The following MRNIP variants were observed in gnomAD, a reference collection of about 807,000 sequenced individuals.
The protein encoded by MRNIP is MRN complex-interacting protein.
In MRNIP, 30 loss-of-function variants were observed where a neutral mutation model predicts 29.8. The ratio of observed to expected loss-of-function variants is 1.01; its 90% CI spans 0.75 to 1.36. The LOEUF (loss-of-function observed/expected upper bound fraction) is 1.36, where lower values mean the gene tolerates loss of function less well. MRNIP is among the 40% of genes most tolerant of loss of function. The pLI, the probability that MRNIP is intolerant of heterozygous loss-of-function variation, is 0.00. For synonymous variants in MRNIP, 201 were observed against 164.1 expected, an observed-to-expected ratio of 1.23 and a Z score of -1.72; for missense variants, 459 against 423.5, an observed-to-expected ratio of 1.08 and a Z score of -0.74.
Position 179,840,933 on chromosome 5 carries a change from G to A in MRNIP, c.476C>T (p.Pro159Leu), listed in dbSNP as rs746337493. ...GTCCTGCACGCCACGGCTGCACGGAGGCTGGACGGTGCTCCTGCTCCACTT... is the reference window on the plus strand; with the variant it reads ...GTCCTGCACGCCACGGCTGCACGGAAGCTGGACGGTGCTCCTGCTCCACTT... ...KRKWSRSTVQ[P>L]PCSRGVQDSG... The change falls in exon 6 of 7, where the codon CCT (proline) becomes CTT (leucine). Residue 159 changes from proline to leucine, a missense_variant. Coordinates refer to ENST00000292586, the MANE Select transcript of MRNIP (RefSeq NM_016175.4). The A allele has an allele frequency of 3.7e-6, 6 of 1,610,276 alleles. No homozygotes were observed. The highest frequency in any genetic ancestry group is 1.1e-5 in the South Asian group (1 of 90,310).
rs566205250 is a variant in MRNIP, at chr5:179,840,622, G to C, written c.537+250C>G. ...CAGGTTGACCTGCTGGCCAACCTCA[G>C]TTTCTCCAAGGGTCACAATGCTCTT... On this transcript the variant is annotated intron_variant, in intron 6 of 6. Coordinates refer to ENST00000292586, the MANE Select transcript of MRNIP (RefSeq NM_016175.4). The C allele has an allele frequency of 2.6e-5, 15 of 569,544 alleles. No individual in the cohort carries two copies. In the South Asian group the frequency reaches 3.1e-4, roughly 12 times the overall value. The allele number at this position is 569,544 out of a possible 1,614,324, so 35.3% of individuals were successfully genotyped here.
intron 3 of MRNIP, among the ~76,000 whole-genome samples, chr5:179,845,387 G>C: frequency 6.6e-6 from 1 of 151,790 alleles, no homozygotes; most frequent in South Asian, 2.1e-4. Flanking sequence ...GACCTCAAGT[G>C]ATCTGCCTGC....
intron 2 of MRNIP, 41 bp from the exon 3 acceptor site, chr5:179,848,107 C>T (rs766579869): frequency 1.4e-6 from 2 of 1,476,410 alleles, no homozygotes; most frequent in Non-Finnish European, 1.9e-6. Context: ...AAAGTGCTGG[C>T]AGAATGCTGA....
At chr5:179,851,061 A>G (rs1206433913) in intron 2 of MRNIP, 4 of 371,030 alleles carry the variant, frequency 1.1e-5, no homozygotes, top group Non-Finnish European at 2.2e-5. Flanking sequence ...AGCAAGAGAA[A>G]CGTCTATTGT....
intron 2 of MRNIP, 89 bp from the exon 3 acceptor site, chr5:179,848,155 A>AC: frequency 2.0e-6 from 2 of 993,210 alleles, no homozygotes; most frequent in Non-Finnish European, 3.2e-6. Flanking sequence ...AGGGAGGACA[A>AC]AGCTGTATTC....
At chr5:179,853,633 A>G (rs978237896) in intron 1 of MRNIP, among the ~76,000 whole-genome samples, 196 bp from the exon 2 acceptor site, 4 of 151,932 alleles carry the variant, frequency 2.6e-5, no homozygotes, top group African/African-American at 9.7e-5. Flanking sequence ...TTAGCCAGGC[A>G]TGGTGGCGGG....
chr5:179,843,210 C>T (rs1758989741), intron 4 of MRNIP, among the ~76,000 whole-genome samples: 2 of 151,706 alleles, frequency 1.3e-5, no homozygotes, highest in Admixed American at 6.6e-5. Context: ...CAGTGAGCAG[C>T]GATCATGCCT....
intron 1 of MRNIP, among the ~76,000 whole-genome samples, chr5:179,854,588 G>C (rs1245141023): frequency 6.6e-6 from 1 of 151,796 alleles, no homozygotes; most frequent in African/African-American, 2.4e-5. Context: ...GCCAGCCCGG[G>C]TAGCATGGCA....
chr5:179,855,907 GTTTTTTTT>G (rs1205010985), intron 1 of MRNIP, among the ~76,000 whole-genome samples: 2 of 111,044 alleles, frequency 1.8e-5, no homozygotes, highest in Non-Finnish European at 3.7e-5. Context: ...AAGAAAAGTT[GTTTTTTTT>G]TTTTTTTTTT....
At chr5:179,851,774 T>G (rs569432706) in intron 2 of MRNIP, among the ~76,000 whole-genome samples, 7 of 151,998 alleles carry the variant, frequency 4.6e-5, no homozygotes, top group South Asian at 4.2e-4. Context: ...GTCAGGAGAT[T>G]GACACCATCC....
At chr5:179,844,319 G>C in intron 3 of MRNIP, 92 bp from the exon 4 acceptor site, 3 of 1,001,424 alleles carry the variant, frequency 3.0e-6, no homozygotes, top group Non-Finnish European at 3.1e-6. Flanking sequence ...TTGGGAGGCT[G>C]AGGCAGGTGG....
At chr5:179,841,593 A>C in intron 5 of MRNIP, 1 of 304,606 alleles carries the variant, frequency 3.3e-6, no homozygotes. Context: ...CTGAGCTAAA[A>C]GCTCTTAGGC....
At chr5:179,838,189 A>C in intron 6 of MRNIP, 2 of 441,002 alleles carry the variant, frequency 4.5e-6, no homozygotes, top group East Asian at 4.0e-5. Context: ...CTACAAAAGA[A>C]TTTTGAGCAG....
chr5:179,857,856 C>T (rs1178371267), intron 1 of MRNIP, among the ~76,000 whole-genome samples: 2 of 151,896 alleles, frequency 1.3e-5, no homozygotes, highest in Non-Finnish European at 2.9e-5. Flanking sequence ...CTATTAAAAA[C>T]ACAAAATTAG....
chr5:179,838,224 G>A, intron 6 of MRNIP: 1 of 337,554 alleles, frequency 3.0e-6, no homozygotes, highest in Non-Finnish European at 5.6e-6. Context: ...ATCGGGAAAG[G>A]GGTGCGCTGG....
At chr5:179,856,710 T>C (rs962029404) in intron 1 of MRNIP, among the ~76,000 whole-genome samples, 1 of 152,212 alleles carries the variant, frequency 6.6e-6, no homozygotes, top group Non-Finnish European at 1.5e-5. Context: ...TGAGCTCAAG[T>C]GATCTGCCCT....
intron 2 of MRNIP, among the ~76,000 whole-genome samples, chr5:179,848,748 G>A (rs920093248): frequency 6.6e-6 from 1 of 152,348 alleles, no homozygotes; most frequent in South Asian, 2.1e-4. Flanking sequence ...AAATGGTCAA[G>A]AAATGCATCT....
At chr5:179,855,800 A>G (rs562256104) in intron 1 of MRNIP, among the ~76,000 whole-genome samples, 3 of 152,200 alleles carry the variant, frequency 2.0e-5, no homozygotes, top group Non-Finnish European at 4.4e-5. Context: ...GCACCTACCA[A>G]AAATTGAACT....
At chr5:179,842,699 CAAAAAAAAAAAAAA>C (rs58952171) in intron 4 of MRNIP, among the ~76,000 whole-genome samples, 44 of 29,000 alleles carry the variant, frequency 1.5e-3, no homozygotes, top group Non-Finnish European at 2.1e-3. Flanking sequence ...GACTCCGTCT[CAAAAAAAAAAAAAA>C]AAAAAAAAAA....
Sources: allele counts gnomAD v4.1 joint callset (sites outside exome capture counted in the v4.1 genomes callset), GRCh38; gene constraint gnomAD v4.1.1; transcripts MANE v1.5; gene names NCBI Gene and HGNC (gene_info 2026-07-23, HGNC 2026-07-21).